The following ITCH variants were observed in gnomAD, a reference collection of about 807,000 sequenced individuals.
The protein encoded by ITCH is itchy E3 ubiquitin protein ligase.
Under a neutral mutation model 126.8 loss-of-function variants are expected in ITCH, and 28 were observed. The ratio of observed to expected loss-of-function variants is 0.22; its 90% CI spans 0.16 to 0.30. The LOEUF (loss-of-function observed/expected upper bound fraction) is 0.30. ITCH is among the 10% of genes least tolerant of loss of function. The pLI, the probability that ITCH is intolerant of heterozygous loss-of-function variation, is 1.00. For missense variants in ITCH, 631 were observed against 1,032.4 expected (o/e 0.61, Z 5.33); for synonymous variants, 342 against 340.0 (o/e 1.01, Z -0.06).
chr20:34,496,595 C>T (rs1317624547), intron 23 of ITCH, among the ~76,000 whole-genome samples: 2 of 151,934 alleles, frequency 1.3e-5, no homozygotes, highest in East Asian at 3.9e-4. Context: ...CACCTGAGGT[C>T]GGGAGTTCAA....
chr20:34,408,592 G>A (rs1002770275), intron 3 of ITCH, 59 bp from the exon 4 acceptor site: 2 of 1,470,122 alleles, frequency 1.4e-6, no homozygotes, highest in Admixed American at 1.8e-5. Flanking sequence ...AAGTTAAATT[G>A]ATTTCATGAG....
At chr20:34,476,782 A>G in intron 16 of ITCH, 1 of 169,640 alleles carries the variant, frequency 5.9e-6, no homozygotes, top group Non-Finnish European at 1.3e-5. Flanking sequence ...AAGTATAGGC[A>G]TTATATCAAC....
intron 3 of ITCH, among the ~76,000 whole-genome samples, chr20:34,406,777 G>T (rs1005294413): frequency 3.3e-5 from 5 of 151,790 alleles, no homozygotes; most frequent in African/African-American, 9.7e-5. Flanking sequence ...CTCGTGATCC[G>T]CCCGTCTCAG....
chr20:34,454,176 C>T (rs1237561395), intron 12 of ITCH, among the ~76,000 whole-genome samples: 2 of 146,234 alleles, frequency 1.4e-5, no homozygotes, highest in Non-Finnish European at 1.5e-5. Flanking sequence ...CTCGCTCTGT[C>T]GCCCAGGCTG....
At position 34,508,754 on chromosome 20, in the gene ITCH, T is replaced by C. The variant is rs1323727701; in HGVS notation, c.*960T>C. 1 of 152,240 alleles carries C rather than the reference T, an allele frequency of 6.6e-6. No individual in the cohort carries two copies. Among genetic ancestry groups the C allele is most frequent in the Non-Finnish European group, 1.5e-5 (1 of 68,034 alleles). 9.4% of individuals were successfully genotyped at this position (152,240 alleles called of 1,614,324 possible). A position where few individuals can be genotyped will look rare whatever the true frequency, so the allele number is the denominator to read the frequency against. ...CTAAAGATGTCTCTGGTGATTTTTA[T>C]ATGTTCCGCTATATAATTGATGCTT... On this transcript the variant is annotated 3_prime_UTR_variant, in exon 25 of 25. Transcript: ENST00000374864.
At chr20:34,469,291 C>T (rs1438353791) in intron 14 of ITCH, among the ~76,000 whole-genome samples, 1 of 151,636 alleles carries the variant, frequency 6.6e-6, no homozygotes, top group African/African-American at 2.4e-5. Flanking sequence ...TTTAGAAAAT[C>T]CTTCCTTTTT....
In ITCH at chr20:34,408,706, C is replaced by G. The variant is rs757719312; in HGVS notation, c.126C>G (p.Tyr42Ter). 6.2e-7 allele frequency: 1 copy of G among 1,613,564 alleles called. No homozygotes were observed. Among genetic ancestry groups the G allele is most frequent in the African/African-American group, 1.3e-5 (1 of 74,908 alleles). ...NKKNWFGPSP[Y>*]VEVTVDGQSK... The stretch of plus-strand genomic sequence containing the variant: ...AGAATTGGTTTGGACCAAGTCCTTA[C>G]GTAGAGGTCACAGTAGATGGACAGT... Residue 42 changes from tyrosine to a stop codon, truncating the protein, a stop_gained, in exon 4 of 25, where the codon TAC becomes TAG. Coordinates refer to ENST00000374864, the MANE Select transcript of ITCH (RefSeq NM_031483.7). LOFTEE classifies it high-confidence loss of function.
At chr20:34,452,575 A>T (rs1207013797) in intron 12 of ITCH, among the ~76,000 whole-genome samples, 2 of 152,300 alleles carry the variant, frequency 1.3e-5, no homozygotes, top group African/African-American at 2.4e-5. Context: ...TACCTTCAGG[A>T]TTGACCCAGG....
chr20:34,401,011 G>A (rs1009731948), intron 3 of ITCH, among the ~76,000 whole-genome samples: 11 of 151,980 alleles, frequency 7.2e-5, no homozygotes, highest in South Asian at 2.1e-4. Flanking sequence ...CACCCACCTC[G>A]GCCTCCCAAA....
chr20:34,465,455 A>G (rs996978908), intron 14 of ITCH, among the ~76,000 whole-genome samples: 27 of 152,302 alleles, frequency 1.8e-4, no homozygotes, highest in Admixed American at 1.6e-3. Context: ...TATTGAATGT[A>G]CAGAATCAAT....
intron 11 of ITCH, among the ~76,000 whole-genome samples, chr20:34,447,403 G>A (rs558987615): frequency 3.9e-5 from 6 of 152,132 alleles, no homozygotes; most frequent in Admixed American, 6.5e-5. Flanking sequence ...ATGATGGGGT[G>A]TTGCTGAGAA....
intron 24 of ITCH, among the ~76,000 whole-genome samples, chr20:34,505,204 C>T (rs1990542329): frequency 6.6e-6 from 1 of 151,968 alleles, no homozygotes; most frequent in Non-Finnish European, 1.5e-5. Context: ...TGACCACGCC[C>T]AGCTAATTTT....
chr20:34,434,070 G>GTT (rs1447654642), intron 7 of ITCH, among the ~76,000 whole-genome samples: 2 of 152,216 alleles, frequency 1.3e-5, no homozygotes, highest in African/African-American at 4.8e-5. Context: ...GAACCCTGGA[G>GTT]TTTGAAACTA....
chr20:34,402,001 T>C, intron 3 of ITCH: 1 of 569,550 alleles, frequency 1.8e-6, no homozygotes, highest in Non-Finnish European at 3.1e-6. Flanking sequence ...ATGGGCCTTG[T>C]CTCACATGAG....
intron 6 of ITCH, among the ~76,000 whole-genome samples, chr20:34,421,412 G>C (rs1009897822): frequency 1.3e-5 from 2 of 152,212 alleles, no homozygotes; most frequent in African/African-American, 4.8e-5. Context: ...CTGAGTAGAA[G>C]AGATCTTTGT....
rs946912096 is a variant in ITCH at position 34,511,132 on chromosome 20, C to CT, written c.*3345dup. ...ATTGTTGGTATCTCCAGCCCCCCTC[C>CT]TTTTTTTGTTTTTCTTTTAGTTATT... On this transcript the variant is annotated 3_prime_UTR_variant, in exon 25 of 25. Coordinates refer to ENST00000374864, the MANE Select transcript of ITCH (RefSeq NM_031483.7). 6.6e-6 allele frequency: 1 copy of CT among 152,088 alleles called. No homozygotes were observed. Among genetic ancestry groups the CT allele is most frequent in the Non-Finnish European group, 1.5e-5 (1 of 68,020 alleles). 9.4% of individuals were successfully genotyped at this position (152,088 alleles called of 1,614,324 possible).
chr20:34,391,020 T>G (rs970945118), intron 2 of ITCH, among the ~76,000 whole-genome samples: 16 of 152,326 alleles, frequency 1.1e-4, no homozygotes, highest in African/African-American at 3.8e-4. Context: ...CCCAGAGTGC[T>G]GGGATTACAG....
chr20:34,414,001 G>A lies in ITCH; in HGVS notation c.475+122G>A, dbSNP rs1222336670. The A allele has an allele frequency of 2.3e-5, 19 of 841,578 alleles. No individual in the cohort carries two copies. In the Middle Eastern group the frequency reaches 1.4e-3, roughly 63 times the overall value. The allele number at this position is 841,578 out of a possible 1,614,324, so 52.1% of individuals were successfully genotyped here. A position where few individuals can be genotyped will look rare whatever the true frequency, so the allele number is the denominator to read the frequency against. ...ATTAATAAAATGTTTTTTTCTGGCC[G>A]GTGTGGTGGCTCACGCCTCTAATCC... On this transcript the variant is annotated intron_variant, in intron 6 of 24. Transcript: ENST00000374864.
At chr20:34,492,136 A>G (rs1989559865) in intron 22 of ITCH, among the ~76,000 whole-genome samples, 1 of 152,238 alleles carries the variant, frequency 6.6e-6, no homozygotes, top group South Asian at 2.1e-4. Context: ...CCTAAGATTT[A>G]TATAAGGAAA....
Sources: allele counts gnomAD v4.1 joint callset (sites outside exome capture counted in the v4.1 genomes callset), GRCh38; gene constraint gnomAD v4.1.1; transcripts MANE v1.5; gene names NCBI Gene and HGNC (gene_info 2026-07-23, HGNC 2026-07-21).